Variants in CDYL observed in about 807,000 individuals in gnomAD.
CDYL encodes the protein chromodomain Y like.
CDYL carries 8 observed loss-of-function variants against 47.3 expected under a neutral mutation model. The observed-to-expected ratio is 0.17, with a 90% CI of 0.10 to 0.31. The LOEUF (loss-of-function observed/expected upper bound fraction) is 0.31. Ranked by LOEUF, CDYL falls within the 10% of genes least tolerant of loss-of-function variation. CDYL has a pLI of 1.00. For missense variants in CDYL, 471 were observed against 701.4 expected, an observed-to-expected ratio of 0.67 and a Z score of 3.71; for synonymous variants, 266 against 265.0, an observed-to-expected ratio of 1.00 and a Z score of -0.04.
At chr6:4,723,535 C>T (rs1020845842) in intron 2 of CDYL, among the ~76,000 whole-genome samples, 17 of 152,130 alleles carry the variant, frequency 1.1e-4, no homozygotes, top group African/African-American at 4.1e-4. Flanking sequence ...GCTGCCAGCA[C>T]CTGAAAAGGC....
intron 1 of CDYL, among the ~76,000 whole-genome samples, chr6:4,711,597 AAG>A (rs1164995862): frequency 6.6e-6 from 1 of 152,092 alleles, no homozygotes. Flanking sequence ...TCCTTCCCTG[AAG>A]AGTTATTCCT....
At chr6:4,860,393 A>G (rs1188614735) in intron 1 of CDYL, among the ~76,000 whole-genome samples, 1 of 151,322 alleles carries the variant, frequency 6.6e-6, no homozygotes, top group African/African-American at 2.4e-5. Flanking sequence ...GAAGCTCCTG[A>G]TAGTGTAGCA....
upstream of CDYL, among the ~76,000 whole-genome samples, chr6:4,776,072 C>T (rs1351299441): frequency 1.2e-4 from 18 of 150,456 alleles, no homozygotes; most frequent in African/African-American, 3.9e-4. Context: ...CGCAAGCGCC[C>T]ACGTCGAGGC....
At chr6:4,745,966 G>A (rs1431094722) in intron 3 of CDYL, among the ~76,000 whole-genome samples, 1 of 152,170 alleles carries the variant, frequency 6.6e-6, no homozygotes, top group African/African-American at 2.4e-5. Context: ...GGTGTGACAG[G>A]AATCAGCCTG....
chr6:4,724,934 A>T (rs539302748), intron 2 of CDYL: 13 of 152,302 alleles, frequency 8.5e-5, no homozygotes, highest in African/African-American at 2.4e-4. Context: ...GGCCCCACCC[A>T]CATCCTGCTG....
At chr6:4,768,632 A>G (rs990339063) in intron 3 of CDYL, among the ~76,000 whole-genome samples, 1 of 152,230 alleles carries the variant, frequency 6.6e-6, no homozygotes, top group Non-Finnish European at 1.5e-5. Context: ...TCCTATGCAG[A>G]AGAATTGTAG....
At chr6:4,895,793 C>G (rs1762265360) in intron 2 of CDYL, among the ~76,000 whole-genome samples, 1 of 152,156 alleles carries the variant, frequency 6.6e-6, no homozygotes. Flanking sequence ...AACCTTCATT[C>G]CTTTATATTT....
At chr6:4,724,296 C>T (rs544977532) in intron 2 of CDYL, 2 of 152,170 alleles carry the variant, frequency 1.3e-5, no homozygotes, top group African/African-American at 2.4e-5. Context: ...TATAATCCAC[C>T]CACCTTGGCC....
At chr6:4,752,609 A>G (rs902225990) in intron 3 of CDYL, among the ~76,000 whole-genome samples, 1 of 152,170 alleles carries the variant, frequency 6.6e-6, no homozygotes, top group Non-Finnish European at 1.5e-5. Flanking sequence ...GAGCACTAAA[A>G]CAATCAAATC....
chr6:4,758,602 G>A (rs1003816267), intron 3 of CDYL, among the ~76,000 whole-genome samples: 1 of 151,900 alleles, frequency 6.6e-6, no homozygotes, highest in Non-Finnish European at 1.5e-5. Context: ...GGCAGAGGTT[G>A]CCGTGAGCCG....
intron 5 of CDYL, among the ~76,000 whole-genome samples, chr6:4,951,006 T>TG (rs1338618092): frequency 6.6e-6 from 1 of 151,778 alleles, no homozygotes; most frequent in African/African-American, 2.4e-5. Flanking sequence ...TCTGCCTGCA[T>TG]GGGAGGGGCA....
chr6:4,906,858 A>G (rs970695126), intron 2 of CDYL, among the ~76,000 whole-genome samples: 9 of 152,086 alleles, frequency 5.9e-5, no homozygotes, highest in African/African-American at 1.9e-4. Context: ...TCCACGTGCC[A>G]TTTTTTCTGT....
chr6:4,790,729 G>C (rs1758895417), intron 1 of CDYL, among the ~76,000 whole-genome samples: 1 of 152,178 alleles, frequency 6.6e-6, no homozygotes, highest in Non-Finnish European at 1.5e-5. Context: ...AAAAATGAGT[G>C]ACTAATTACA....
At chr6:4,710,694 G>T (rs1039608921) in intron 1 of CDYL, among the ~76,000 whole-genome samples, 2 of 152,040 alleles carry the variant, frequency 1.3e-5, no homozygotes, top group Admixed American at 6.6e-5. Flanking sequence ...CTGTGCTCCC[G>T]TCTTTATTCT....
chr6:4,710,707 G>A (rs1757136367), intron 1 of CDYL, among the ~76,000 whole-genome samples: 1 of 152,010 alleles, frequency 6.6e-6, no homozygotes. Context: ...TTTATTCTCT[G>A]CTCCTTGTAC....
intron 1 of CDYL, among the ~76,000 whole-genome samples, chr6:4,821,663 G>A (rs760081731): frequency 6.6e-6 from 1 of 151,700 alleles, no homozygotes; most frequent in African/African-American, 2.4e-5. Context: ...AATAACTCGG[G>A]AGGCGGAGGT....
chr6:4,827,856 T>C (rs978397478), intron 1 of CDYL, among the ~76,000 whole-genome samples: 1 of 152,192 alleles, frequency 6.6e-6, no homozygotes, highest in African/African-American at 2.4e-5. Flanking sequence ...GGTTTCACCA[T>C]GTTGACTAGG....
chr6:4,896,293 C>T (rs1274526174), intron 2 of CDYL, among the ~76,000 whole-genome samples: 2 of 152,228 alleles, frequency 1.3e-5, no homozygotes, highest in Admixed American at 6.5e-5. Context: ...TCAGTTCTGT[C>T]GCTGCCCTGG....
intron 1 of CDYL, among the ~76,000 whole-genome samples, chr6:4,786,092 G>C (rs187895574): frequency 1.3e-5 from 2 of 152,250 alleles, no homozygotes; most frequent in Admixed American, 6.5e-5. Context: ...AAATTTTATG[G>C]TCATTTCCAC....
Sources: gnomAD v4.1 joint callset for allele counts (sites outside exome capture counted in the v4.1 genomes callset) on GRCh38, gnomAD v4.1.1 for gene constraint, MANE v1.5 for transcripts, NCBI Gene and HGNC (gene_info 2026-07-23, HGNC 2026-07-21) for gene names.